FAM133A: variants seen among roughly 807,000 people sequenced by gnomAD.
FAM133A encodes family with sequence similarity 133 member A, also known as protein FAM133A.
For missense variants in FAM133A, 159 were observed against 164.4 expected (o/e 0.97, Z 0.18); for synonymous variants, 65 against 58.6 (o/e 1.11, Z -0.50).
chrX:93,682,118 T>C (rs1305561343), intron 2 of FAM133A, among the ~76,000 whole-genome samples: 1 of 111,848 alleles, frequency 8.9e-6, no homozygotes, highest in Non-Finnish European at 1.9e-5. Flanking sequence ...ACAAGCTGTG[T>C]CCTTTACCCT....
intron 3 of FAM133A, among the ~76,000 whole-genome samples, chrX:93,703,528 G>T (rs1926857064): frequency 8.9e-6 from 1 of 112,024 alleles, no homozygotes; most frequent in Non-Finnish European, 1.9e-5. Context: ...TACAGTATTT[G>T]CAAATTTTCT....
chrX:93,688,076 C>G (rs1165987225), intron 2 of FAM133A, among the ~76,000 whole-genome samples: 1 of 110,542 alleles, frequency 9.0e-6, no homozygotes, highest in Non-Finnish European at 1.9e-5. Flanking sequence ...GATTCTATAT[C>G]ATGGCTATTA....
chrX:93,702,066 C>T (rs954012568), intron 3 of FAM133A, among the ~76,000 whole-genome samples: 13 of 111,727 alleles, frequency 1.2e-4, no homozygotes, highest in African/African-American at 3.3e-4. Context: ...ATTCCTGTCG[C>T]GTGCAAAGTG....
chrX:93,700,215 C>G (rs903449522), intron 3 of FAM133A, among the ~76,000 whole-genome samples: 1 of 110,121 alleles, frequency 9.1e-6, no homozygotes, highest in African/African-American at 3.3e-5. Context: ...TAACTTTTTC[C>G]TCTATCCATC....
intron 3 of FAM133A, among the ~76,000 whole-genome samples, chrX:93,708,469 G>A (rs779821562): frequency 8.9e-5 from 10 of 111,917 alleles, no homozygotes; most frequent in Non-Finnish European, 1.7e-4. Flanking sequence ...GATGTAAGGA[G>A]ACAATTTGGT....
chrX:93,711,124 A>G lies in FAM133A; in HGVS notation c.*958A>G, dbSNP rs1035996569. On this transcript the variant is annotated 3_prime_UTR_variant, in exon 4 of 4. Coordinates refer to ENST00000683942, the MANE Select transcript of FAM133A (RefSeq NM_001171109.2). The stretch of plus-strand genomic sequence containing the variant: ...AAGTTTTTAGTTTCTTAGCCTTGCT[A>G]TATTAATTTCATTACTGTGTTTAAT... 1.6e-5 allele frequency: 2 copies of G among 122,937 alleles called. No homozygotes were observed. Among genetic ancestry groups the G allele is most frequent in the East Asian group, 2.8e-4 (1 of 3,558 alleles). 10.1% of individuals were successfully genotyped at this position (122,937 alleles called of 1,213,427 possible).
At chrX:93,689,600 T>C (rs980148688) in intron 2 of FAM133A, among the ~76,000 whole-genome samples, 1 of 111,142 alleles carries the variant, frequency 9.0e-6, no homozygotes, top group Non-Finnish European at 1.9e-5. Flanking sequence ...ACAAGGTATG[T>C]TTACATATAA....
intron 2 of FAM133A, among the ~76,000 whole-genome samples, chrX:93,697,922 T>G (rs972931281): frequency 2.7e-5 from 3 of 111,822 alleles, no homozygotes; most frequent in African/African-American, 9.8e-5. Context: ...TTTATAAATA[T>G]TACCCCAGTC....
intron 3 of FAM133A, 110 bp from the exon 4 acceptor site, chrX:93,709,207 G>A (rs1355756477): frequency 8.2e-6 from 3 of 366,863 alleles, no homozygotes; most frequent in Non-Finnish European, 1.3e-5. Flanking sequence ...ATAAGATTTT[G>A]GAAATTTCTA....
intron 2 of FAM133A, among the ~76,000 whole-genome samples, chrX:93,676,558 G>T (rs537056612): frequency 1.8e-5 from 2 of 109,124 alleles, no homozygotes; most frequent in Admixed American, 2.0e-4. Flanking sequence ...AGGAAATAAC[G>T]CATGATATTG....
intron 2 of FAM133A, among the ~76,000 whole-genome samples, chrX:93,684,949 G>A (rs1447930980): frequency 9.0e-6 from 1 of 111,119 alleles, no homozygotes; most frequent in Non-Finnish European, 1.9e-5. Flanking sequence ...ATCATATATG[G>A]GTGCCATGTA....
At chrX:93,704,001 C>T (rs1926888912) in intron 3 of FAM133A, among the ~76,000 whole-genome samples, 1 of 111,647 alleles carries the variant, frequency 9.0e-6, no homozygotes, top group South Asian at 3.7e-4. Flanking sequence ...CATGTTGATT[C>T]CAGTCAGGAT....
chrX:93,677,831 T>C (rs1924825365), intron 2 of FAM133A, among the ~76,000 whole-genome samples: 1 of 112,046 alleles, frequency 8.9e-6, no homozygotes, highest in African/African-American at 3.2e-5. Context: ...TTTTTGTTGT[T>C]TTGAGTTCTG....
At chrX:93,688,106 C>T (rs1569347306) in intron 2 of FAM133A, among the ~76,000 whole-genome samples, 1 of 109,804 alleles carries the variant, frequency 9.1e-6, no homozygotes. Flanking sequence ...CTTCAATAAA[C>T]ATGGGAATAT....
chrX:93,674,102 G>A (rs1452024080), upstream of FAM133A: 3 of 109,272 alleles, frequency 2.7e-5, no homozygotes, highest in African/African-American at 1.0e-4. Flanking sequence ...AATATTCTAT[G>A]AGCATGCATT....
chrX:93,687,763 G>A (rs1383745948), intron 2 of FAM133A, among the ~76,000 whole-genome samples: 1 of 111,611 alleles, frequency 9.0e-6, no homozygotes, highest in East Asian at 2.8e-4. Context: ...CTTCCTAACT[G>A]TAACTTTGTA....
chrX:93,683,315 A>C (rs574663534), intron 2 of FAM133A, among the ~76,000 whole-genome samples: 1 of 111,918 alleles, frequency 8.9e-6, no homozygotes, highest in South Asian at 3.7e-4. Context: ...TTTAAAGGAA[A>C]ATATAGATCA....
At chrX:93,693,085 G>A (rs942542312) in intron 2 of FAM133A, among the ~76,000 whole-genome samples, 1 of 111,443 alleles carries the variant, frequency 9.0e-6, no homozygotes, top group Non-Finnish European at 1.9e-5. Flanking sequence ...GAGTTATAGT[G>A]ATGAGTCAAA....
intron 2 of FAM133A, among the ~76,000 whole-genome samples, chrX:93,697,017 C>G (rs957925587): frequency 9.1e-6 from 1 of 109,701 alleles, no homozygotes; most frequent in Non-Finnish European, 1.9e-5. Context: ...TCTATATACC[C>G]CTTCCCTTGA....
Sources: gnomAD v4.1 joint callset for allele counts (sites outside exome capture counted in the v4.1 genomes callset) on GRCh38, gnomAD v4.1.1 for gene constraint, MANE v1.5 for transcripts, NCBI Gene and HGNC (gene_info 2026-07-23, HGNC 2026-07-21) for gene names.